ZFTA: variants seen among roughly 807,000 people sequenced by gnomAD.
The protein encoded by ZFTA is zinc finger translocation-associated protein.
ZFTA carries 35 observed loss-of-function variants against 41.8 expected under a neutral mutation model. That is an observed-to-expected ratio of 0.84 (90% confidence interval 0.64 to 1.11). The LOEUF is 1.11. Among genes scored for constraint, ZFTA ranks in the 50% most tolerant of loss-of-function variants. The pLI is 0.00. For synonymous variants in ZFTA, 514 were observed against 436.4 expected (o/e 1.18, Z -2.22); for missense variants, 964 against 989.8 (o/e 0.97, Z 0.35).
In ZFTA at chr11:63,763,595, G is replaced by T; in HGVS notation, c.1860C>A (p.His620Gln). The part of the protein sequence containing the change: ...ATLKVSTIKR[H>Q]ILQVHPFSMD... ...TGGAGAAGGGGTGCACCTGCAGGAT[G>T]TGGCGCTTGATGGTGCTCACCTTGA... The change falls in exon 5 of 5, where the codon CAC becomes CAA. Residue 620 changes from histidine (H) to glutamine (Q), a missense_variant. Coordinates refer to ENST00000433688, the MANE Select transcript of ZFTA (RefSeq NM_001144936.2). 1 of 1,548,912 alleles carries T rather than the reference G, an allele frequency of 6.5e-7. No individual in the cohort carries two copies. The highest frequency in any genetic ancestry group is 8.7e-7 in the Non-Finnish European group (1 of 1,145,530).
Position 63,763,373 on chromosome 11 carries a change from GCCGAT to G in ZFTA, c.*40_*44del, listed in dbSNP as rs2014681994. On this transcript the variant is annotated 3_prime_UTR_variant, in exon 5 of 5. Transcript: ENST00000433688. ...CCGGGCGAGCACAGGGCGGGGCGGG[GCCGAT>G]CCGACCCGACCCGACCTGACCCGGG... 4 of 1,200,422 alleles carry G rather than the reference GCCGAT, an allele frequency of 3.3e-6. No homozygotes were observed. Among genetic ancestry groups the G allele is most frequent in the East Asian group, 8.5e-5 (2 of 23,412 alleles). 74.4% of individuals were successfully genotyped at this position (1,200,422 alleles called of 1,614,324 possible).
Position 63,763,836 on chromosome 11 carries a change from T to C in ZFTA, c.1619A>G (p.Glu540Gly), listed in dbSNP as rs2014695313. ...GTCCTCCTCTTCTTCGGCGGGCCGC[T>C]CCAAGGGAGCTCCAGGGGACAGCGG... ...DVPLSPGAPL[E>G]RPAEEEEDEE... The change falls in exon 5 of 5, where the codon GAG becomes GGG. Residue 540 changes from glutamate to glycine, a missense_variant. This residue lies in a region of ZFTA where 584 missense variants were observed against 523.1 expected (regional missense o/e 1.12). Transcript: ENST00000433688. 1.5e-5 allele frequency: 21 copies of C among 1,438,606 alleles called. No individual in the cohort carries two copies. Among genetic ancestry groups the C allele is most frequent in the Non-Finnish European group, 1.7e-5 (19 of 1,098,152 alleles). The allele number at this position is 1,438,606 out of a possible 1,614,324, so 89.1% of individuals were successfully genotyped here. A position where few individuals can be genotyped will look rare whatever the true frequency, so the allele number is the denominator to read the frequency against.
chr11:63,763,881 C>T lies in ZFTA; in HGVS notation c.1586-12G>A. ...CAGCGGAACGTCGCCTAAGGAGGGA[C>T]AAAGGACCGCATTGGCGACGGCGGG... is the stretch of plus-strand genomic sequence containing the variant. On this transcript the variant is annotated splice_polypyrimidine_tract_variant and intron_variant, in intron 4 of 4. Coordinates refer to ENST00000433688, the MANE Select transcript of ZFTA (RefSeq NM_001144936.2). 2 of 1,418,802 alleles carry T rather than the reference C, an allele frequency of 1.4e-6. No individual in the cohort carries two copies. Among genetic ancestry groups the T allele is most frequent in the Non-Finnish European group, 1.8e-6 (2 of 1,086,796 alleles). The allele number at this position is 1,418,802 out of a possible 1,614,324, so 87.9% of individuals were successfully genotyped here. A position where few individuals can be genotyped will look rare whatever the true frequency, so the allele number is the denominator to read the frequency against.
chr11:63,767,752 C>A (rs2014768885), intron 1 of ZFTA, among the ~76,000 whole-genome samples: 1 of 152,082 alleles, frequency 6.6e-6, no homozygotes. Context: ...AGTCAACAGT[C>A]TCCTTTGAGA....
intron 1 of ZFTA, 86 bp downstream of exon 1, chr11:63,768,398 T>G: frequency 1.2e-6 from 1 of 845,934 alleles, no homozygotes; most frequent in Non-Finnish European, 1.4e-6. Flanking sequence ...CCCCGCTTTG[T>G]TCGGCGGCGG....
In ZFTA at chr11:63,765,290, C is replaced by T; in HGVS notation, c.638-36G>A. 7.0e-7 allele frequency: 1 copy of T among 1,427,656 alleles called. No homozygotes were observed. The highest frequency in any genetic ancestry group is 9.1e-7 in the Non-Finnish European group (1 of 1,098,472). The allele number at this position is 1,427,656 out of a possible 1,614,324, so 88.4% of individuals were successfully genotyped here. On this transcript the variant is annotated intron_variant, in intron 2 of 4. Transcript: ENST00000433688. This position sits in a 1 kb window ranked among gnomAD's most constrained non-coding sequence, Gnocchi z 4.0. ...TGGAGGGAAGGAACTGAGACGCTGG[C>T]CCCACGGGAGCATACCCACTACAGC...
Position 63,768,645 on chromosome 11 carries a change from CCCGGGGCG to C in ZFTA, c.-31_-24del. ...CATGCGCTGCGCTGCGGAGCGGGGC[CCCGGGGCG>C]GCGGGGCGCGGGGCCGCGGGGCCGG... On this transcript the variant is annotated 5_prime_UTR_variant, in exon 1 of 5. Coordinates refer to ENST00000433688, the MANE Select transcript of ZFTA (RefSeq NM_001144936.2). 1.0e-6 allele frequency: 1 copy of C among 977,824 alleles called. No homozygotes were observed. Among genetic ancestry groups the C allele is most frequent in the Non-Finnish European group, 1.2e-6 (1 of 826,834 alleles). 60.6% of individuals were successfully genotyped at this position (977,824 alleles called of 1,614,324 possible).
chr11:63,765,763 G>T lies in ZFTA; in HGVS notation c.637+44C>A. ...AGCAGCTGGCCCACTGTGCCCCACT[G>T]GCCACCCAGGCCCCTGCCTGTACAG... On this transcript the variant is annotated intron_variant, in intron 2 of 4. Coordinates refer to ENST00000433688, the MANE Select transcript of ZFTA (RefSeq NM_001144936.2). The surrounding 1 kb of genome is among the most constrained non-coding windows in gnomAD (Gnocchi z 4.0). The T allele has an allele frequency of 7.0e-7, 1 of 1,433,940 alleles. No individual in the cohort carries two copies. 88.8% of individuals were successfully genotyped at this position (1,433,940 alleles called of 1,614,324 possible).
chr11:63,764,967 G>A lies in ZFTA; in HGVS notation c.925C>T (p.Pro309Ser), dbSNP rs2014720477. 1 of 1,548,588 alleles carries A rather than the reference G, an allele frequency of 6.5e-7. No homozygotes were observed. ...GGGCCGCTGAGCCCCAGGGAGCCAG[G>A]GTGCACCTCCAGCACGTGGGCACGG... ...DIRAHVLEVH[P>S]GSLGLSGPQR... The change falls in exon 3 of 5, where the codon CCT (proline) becomes TCT (serine). Residue 309 changes from proline (P) to serine (S), a missense_variant. Physicochemically the swap from Pro to Ser is moderately conservative, Grantham distance 74 (BLOSUM62 -1). Transcript: ENST00000433688.
rs2014684322 is a variant in ZFTA, at chr11:63,763,456, C to T, written c.1999G>A (p.Gly667Ser). 1.4e-6 allele frequency: 2 copies of T among 1,444,914 alleles called. No individual in the cohort carries two copies. The highest frequency in any genetic ancestry group is 1.4e-5 in the South Asian group (1 of 72,556). The allele number at this position is 1,444,914 out of a possible 1,614,324, so 89.5% of individuals were successfully genotyped here. ...ACAGCGCCAGACTTGAGGTCCGCGC[C>T]GCCGTCACGCGGCGCCGGGGCGGGC... ...GPPAPAPRDG[G>S]ADLKSGAVCR... The change falls in exon 5 of 5, where the codon GGC (glycine) becomes AGC (serine). Residue 667 changes from glycine to serine, a missense_variant. Transcript: ENST00000433688.
chr11:63,768,471 C>T lies in ZFTA; in HGVS notation c.139+13G>A, dbSNP rs1590912320. On this transcript the variant is annotated intron_variant, in intron 1 of 4. Coordinates refer to ENST00000433688, the MANE Select transcript of ZFTA (RefSeq NM_001144936.2). ...CCGGGGCCCCCGCCCGGGCCGCCGG[C>T]CCCAGCTCTTACCGCCTTCGTCTTC... 8.5e-7 allele frequency: 1 copy of T among 1,172,390 alleles called. No individual in the cohort carries two copies. The highest frequency in any genetic ancestry group is 1.9e-5 in the South Asian group (1 of 52,270). The allele number at this position is 1,172,390 out of a possible 1,614,324, so 72.6% of individuals were successfully genotyped here. A position where few individuals can be genotyped will look rare whatever the true frequency, so the allele number is the denominator to read the frequency against.
At position 63,764,060 on chromosome 11, in the gene ZFTA, T is replaced by TGGCTCCTCC. The variant is rs1448260930; in HGVS notation, c.1554_1562dup (p.Pro521_Glu523dup). 7 of 1,332,554 alleles carry TGGCTCCTCC rather than the reference T, an allele frequency of 5.3e-6. No homozygotes were observed. Among genetic ancestry groups the TGGCTCCTCC allele is most frequent in the Non-Finnish European group, 6.7e-6 (7 of 1,043,452 alleles). The allele number at this position is 1,332,554 out of a possible 1,614,324, so 82.5% of individuals were successfully genotyped here. A position where few individuals can be genotyped will look rare whatever the true frequency, so the allele number is the denominator to read the frequency against. ...CACCCCACTCCTCCTCCTCCTCCTC[T>TGGCTCCTCC]GGCTCCTCCTCCTCGTCCCCTCCCC... On this transcript the variant is annotated inframe_insertion, in exon 4 of 5. Coordinates refer to ENST00000433688, the MANE Select transcript of ZFTA (RefSeq NM_001144936.2).
chr11:63,768,583 C>T lies in ZFTA; in HGVS notation c.40G>A (p.Gly14Ser), dbSNP rs1362280128. ...GGDHRSRSSG[G>S]RGGPGPAVAS... ...ACTGCTGGCCCGGGGCCGCCCCTGC[C>T]GCCGCTGCTCCGGCTCCGGTGGTCC... The change falls in exon 1 of 5, where the codon GGC (glycine) becomes AGC (serine). Residue 14 changes from glycine (G) to serine (S), a missense_variant. This residue lies in a region of ZFTA where 111 missense variants were observed against 93.2 expected (regional missense o/e 1.19). Coordinates refer to ENST00000433688, the MANE Select transcript of ZFTA (RefSeq NM_001144936.2). The T allele has an allele frequency of 1.4e-5, 15 of 1,048,218 alleles. No individual in the cohort carries two copies. Among genetic ancestry groups the T allele is most frequent in the Non-Finnish European group, 1.7e-5 (15 of 873,566 alleles). The allele number at this position is 1,048,218 out of a possible 1,614,324, so 64.9% of individuals were successfully genotyped here.
Position 63,765,523 on chromosome 11 carries a change from C to A in ZFTA, c.638-269G>T, listed in dbSNP as rs891334355. ...AGCACCCTCCCCTTCCCTCACCCAC[C>A]CCAGCCAGGCCTCCCTGCTCCAAGC... On this transcript the variant is annotated intron_variant, in intron 2 of 4. Transcript: ENST00000433688. The surrounding 1 kb of genome is among the most constrained non-coding windows in gnomAD (Gnocchi z 4.0). Among the ~76,000 whole-genome samples the A allele has an allele frequency of 6.6e-6, 1 of 152,128 alleles. No homozygotes were observed. Among genetic ancestry groups the A allele is most frequent in the Admixed American group, 6.5e-5 (1 of 15,284 alleles).
chr11:63,762,525 G>A lies in ZFTA; in HGVS notation c.*893C>T, dbSNP rs1293153922. The A allele has an allele frequency of 1.3e-5, 2 of 152,298 alleles. No homozygotes were observed. Among genetic ancestry groups the A allele is most frequent in the Non-Finnish European group, 2.9e-5 (2 of 68,116 alleles). 9.4% of individuals were successfully genotyped at this position (152,298 alleles called of 1,614,324 possible). On this transcript the variant is annotated 3_prime_UTR_variant, in exon 5 of 5. Transcript: ENST00000433688. Reference sequence around the variant, plus strand: ...GAGAACGGACGCCGCATCCACCGCGGACAAAGGGGGATGGGGATGGGGCGG... The same window carrying A: ...GAGAACGGACGCCGCATCCACCGCGAACAAAGGGGGATGGGGATGGGGCGG...
In ZFTA at chr11:63,763,205, C is replaced by T. The variant is rs1053525044; in HGVS notation, c.*213G>A. The stretch of plus-strand genomic sequence containing the variant: ...ATGGGAGAGTGCGCTTCCCGCAGCG[C>T]ACCGACTGGCTCAGGGACCCAAGTG... On this transcript the variant is annotated 3_prime_UTR_variant, in exon 5 of 5. Coordinates refer to ENST00000433688, the MANE Select transcript of ZFTA (RefSeq NM_001144936.2). 3.9e-4 allele frequency: 87 copies of T among 220,552 alleles called. No individual in the cohort carries two copies. The highest frequency in any genetic ancestry group is 1.5e-3 in the Admixed American group (26 of 16,916). 13.7% of individuals were successfully genotyped at this position (220,552 alleles called of 1,614,324 possible).
At chr11:63,766,707 C>T (rs1394390733) in intron 1 of ZFTA, among the ~76,000 whole-genome samples, 1 of 152,166 alleles carries the variant, frequency 6.6e-6, no homozygotes, top group East Asian at 1.9e-4. Flanking sequence ...ACAAAGGGGG[C>T]ATCTGTCTAC....
rs1325074954 is a variant in ZFTA, at chr11:63,760,696, A to G, written c.*2722T>C. The G allele has an allele frequency of 6.6e-6, 1 of 152,256 alleles. No individual in the cohort carries two copies. Among genetic ancestry groups the G allele is most frequent in the Non-Finnish European group, 1.5e-5 (1 of 68,064 alleles). 9.4% of individuals were successfully genotyped at this position (152,256 alleles called of 1,614,324 possible). ...ATAACTTCCATCAAAGCAGGAATCA[A>G]TGGAATCACTACCGCAGCCCTTCCC... On this transcript the variant is annotated 3_prime_UTR_variant, in exon 5 of 5. Coordinates refer to ENST00000433688, the MANE Select transcript of ZFTA (RefSeq NM_001144936.2).
rs1479902882 is a variant in ZFTA, at chr11:63,761,939, G to A, written c.*1479C>T. The A allele has an allele frequency of 6.6e-6, 1 of 152,462 alleles. No individual in the cohort carries two copies. The highest frequency in any genetic ancestry group is 1.9e-4 in the East Asian group (1 of 5,200). 9.4% of individuals were successfully genotyped at this position (152,462 alleles called of 1,614,324 possible). On this transcript the variant is annotated 3_prime_UTR_variant, in exon 5 of 5. Transcript: ENST00000433688. ...AAGAGGGGCCTCCTCTTTGCTCTCTGCCTTTCCACCCCGAGGCAGGGGCTG... is the reference window on the plus strand; with the variant it reads ...AAGAGGGGCCTCCTCTTTGCTCTCTACCTTTCCACCCCGAGGCAGGGGCTG...
Sources: gnomAD v4.1 joint callset for allele counts (sites outside exome capture counted in the v4.1 genomes callset) on GRCh38, gnomAD v4.1.1 for gene constraint, gnomAD v4.1.1 regional missense constraint, Gnocchi (gnomAD v3.1) non-coding constraint, MANE v1.5 for transcripts, NCBI Gene and HGNC (gene_info 2026-07-23, HGNC 2026-07-21) for gene names.